The following RNGTT variants were observed in gnomAD, a reference collection of about 807,000 sequenced individuals.
The protein encoded by RNGTT is RNA guanylyltransferase and 5'-phosphatase, also known as mRNA-capping enzyme.
RNGTT carries 33 observed loss-of-function variants against 79.3 expected under a neutral mutation model. The observed-to-expected ratio is 0.42, with a 90% CI of 0.32 to 0.56. The LOEUF (loss-of-function observed/expected upper bound fraction) is 0.56, where lower values mean the gene tolerates loss of function less well. Among genes scored for constraint, RNGTT ranks in the 20% least tolerant of loss-of-function variants. RNGTT has a pLI of 0.17. For missense variants in RNGTT, 497 were observed against 739.1 expected (o/e 0.67, Z 3.80); for synonymous variants, 222 against 235.9 (o/e 0.94, Z 0.54).
Position 88,769,799 on chromosome 6 carries a change from T to C in RNGTT, c.1414A>G (p.Lys472Glu). The C allele has an allele frequency of 6.2e-7, 1 of 1,611,584 alleles. No individual in the cohort carries two copies. The highest frequency in any genetic ancestry group is 8.5e-7 in the Non-Finnish European group (1 of 1,178,178). The stretch of plus-strand genomic sequence containing the variant: ...CCTTCTCCTCCCATTCTTGTTATTT[T>C]TAGACGAAAATCCACAGAATTCAGA... ...PSLNSVDFRLKITRMGGEGLL... is the reference protein window; with the variant it reads ...PSLNSVDFRLEITRMGGEGLL... The change falls in exon 13 of 16, where the codon AAA (lysine) becomes GAA (glutamate). Residue 472 changes from lysine to glutamate, a missense_variant. By Grantham distance (56) the Lys-to-Glu change is moderately conservative (BLOSUM62 1). Coordinates refer to ENST00000369485, the MANE Select transcript of RNGTT (RefSeq NM_003800.5).
At chr6:88,643,964 C>A (rs1421792435) in intron 14 of RNGTT, among the ~76,000 whole-genome samples, 1 of 152,038 alleles carries the variant, frequency 6.6e-6, no homozygotes, top group African/African-American at 2.4e-5. Flanking sequence ...AGAGCAAACA[C>A]ATTCAAAAGC....
chr6:88,882,480 G>A (rs1782720904), intron 8 of RNGTT, among the ~76,000 whole-genome samples: 1 of 152,212 alleles, frequency 6.6e-6, no homozygotes, highest in African/African-American at 2.4e-5. Flanking sequence ...CTATAATTTA[G>A]TGTATTACTA....
chr6:88,761,005 G>A (rs1323545340), intron 13 of RNGTT, among the ~76,000 whole-genome samples: 1 of 116,120 alleles, frequency 8.6e-6, no homozygotes. Context: ...TTAATGAATT[G>A]AAGCAAAAGA....
intron 13 of RNGTT, among the ~76,000 whole-genome samples, chr6:88,726,920 G>A (rs1241459878): frequency 1.3e-5 from 2 of 151,858 alleles, no homozygotes; most frequent in Non-Finnish European, 2.9e-5. Flanking sequence ...CTAATCTTGT[G>A]GCCTTAGACG....
chr6:88,933,643 G>C (rs1320841291), intron 2 of RNGTT, among the ~76,000 whole-genome samples: 4 of 152,018 alleles, frequency 2.6e-5, no homozygotes, highest in Non-Finnish European at 5.9e-5. Context: ...AACTTTTTTG[G>C]CTCCCACAGG....
chr6:88,775,184 T>C (rs914188012), intron 12 of RNGTT, among the ~76,000 whole-genome samples: 5 of 152,146 alleles, frequency 3.3e-5, no homozygotes, highest in African/African-American at 1.2e-4. Flanking sequence ...ATTACTATGG[T>C]AAAGCAAATT....
intron 12 of RNGTT, among the ~76,000 whole-genome samples, chr6:88,788,477 C>A (rs1350145061): frequency 1.3e-5 from 2 of 152,146 alleles, no homozygotes; most frequent in African/African-American, 4.8e-5. Flanking sequence ...TGAAAATTAT[C>A]TTGATTTTTT....
At position 88,610,979 on chromosome 6, in the gene RNGTT, C is replaced by T. The variant is rs956024784; in HGVS notation, c.*1740G>A. ...TTTTTAATCCATTTTGTAAAAGATA[C>T]TATGGAACCTTGAGAATTTTCCCTC... On this transcript the variant is annotated 3_prime_UTR_variant, in exon 16 of 16. Coordinates refer to ENST00000369485, the MANE Select transcript of RNGTT (RefSeq NM_003800.5). 1.1e-4 allele frequency: 17 copies of T among 152,000 alleles called. No individual in the cohort carries two copies. Among genetic ancestry groups the T allele is most frequent in the African/African-American group, 3.9e-4 (16 of 41,368 alleles). The allele number at this position is 152,000 out of a possible 1,614,324, so 9.4% of individuals were successfully genotyped here. A position where few individuals can be genotyped will look rare whatever the true frequency, so the allele number is the denominator to read the frequency against.
Position 88,853,783 on chromosome 6 carries a change from A to G in RNGTT, c.897-19T>C. 1 of 1,477,190 alleles carries G rather than the reference A, an allele frequency of 6.8e-7. No individual in the cohort carries two copies. The highest frequency in any genetic ancestry group is 9.3e-7 in the Non-Finnish European group (1 of 1,080,078). The allele number at this position is 1,477,190 out of a possible 1,614,324, so 91.5% of individuals were successfully genotyped here. Reference sequence around the variant, plus strand: ...CATGTACCTGTAAATGAAACATTAAAAAGCTAATATTTACAGTATAATATC... The same window carrying G: ...CATGTACCTGTAAATGAAACATTAAGAAGCTAATATTTACAGTATAATATC... On this transcript the variant is annotated intron_variant, in intron 8 of 15. Coordinates refer to ENST00000369485, the MANE Select transcript of RNGTT (RefSeq NM_003800.5).
intron 13 of RNGTT, among the ~76,000 whole-genome samples, chr6:88,705,558 T>C (rs190668295): frequency 5.9e-5 from 9 of 152,178 alleles, no homozygotes; most frequent in Middle Eastern, 3.4e-3. Flanking sequence ...TAAATAGAAA[T>C]ATGTAATGAA....
chr6:88,915,442 A>G (rs1783969043), intron 4 of RNGTT, among the ~76,000 whole-genome samples: 1 of 152,236 alleles, frequency 6.6e-6, no homozygotes, highest in Admixed American at 6.5e-5. Context: ...AGCCATAAAA[A>G]AGAATGAAAT....
At chr6:88,917,195 C>T (rs1375302831) in intron 4 of RNGTT, among the ~76,000 whole-genome samples, 1 of 152,196 alleles carries the variant, frequency 6.6e-6, no homozygotes, top group Non-Finnish European at 1.5e-5. Context: ...ACAAAACATG[C>T]TACTTTTAAA....
intron 14 of RNGTT, among the ~76,000 whole-genome samples, chr6:88,669,762 C>A (rs1351369512): frequency 6.6e-6 from 1 of 152,178 alleles, no homozygotes; most frequent in African/African-American, 2.4e-5. Context: ...CTTTTTCCTG[C>A]TGCCCATAAA....
At chr6:88,632,544 GACACACACAC>G (rs55920605) in intron 14 of RNGTT, among the ~76,000 whole-genome samples, 162 of 133,050 alleles carry the variant, frequency 1.2e-3, no homozygotes, top group African/African-American at 4.1e-3. Flanking sequence ...CAGACACACA[GACACACACAC>G]ACACACACAC....
At chr6:88,619,405 C>A (rs1772360536) in intron 14 of RNGTT, among the ~76,000 whole-genome samples, 2 of 152,172 alleles carry the variant, frequency 1.3e-5, no homozygotes, top group South Asian at 4.1e-4. Context: ...TGGGCTTAAG[C>A]AATCCTCTGG....
chr6:88,643,874 G>A (rs1040295196), intron 14 of RNGTT, among the ~76,000 whole-genome samples: 3 of 152,158 alleles, frequency 2.0e-5, no homozygotes, highest in African/African-American at 7.2e-5. Context: ...GAAATGTATG[G>A]CACTAAATGC....
At chr6:88,827,714 G>A (rs529024486) in intron 11 of RNGTT, among the ~76,000 whole-genome samples, 3 of 152,204 alleles carry the variant, frequency 2.0e-5, no homozygotes, top group South Asian at 2.1e-4. Flanking sequence ...GGGGAGGGGC[G>A]TCTGCCATTA....
intron 6 of RNGTT, among the ~76,000 whole-genome samples, chr6:88,895,335 T>C (rs1244659941): frequency 6.6e-6 from 1 of 151,310 alleles, no homozygotes; most frequent in Non-Finnish European, 1.5e-5. Context: ...GAAAATACAT[T>C]CATCGTTGTA....
At chr6:88,824,034 A>G (rs1265542898) in intron 11 of RNGTT, among the ~76,000 whole-genome samples, 1 of 152,258 alleles carries the variant, frequency 6.6e-6, no homozygotes, top group Admixed American at 6.5e-5. Context: ...ATACATCAAG[A>G]TAAGTTTTAT....
Sources: allele counts gnomAD v4.1 joint callset (sites outside exome capture counted in the v4.1 genomes callset), GRCh38; gene constraint gnomAD v4.1.1; transcripts MANE v1.5; gene names NCBI Gene and HGNC (gene_info 2026-07-23, HGNC 2026-07-21).